The following VMP1 variants were observed in gnomAD, a reference collection of about 807,000 sequenced individuals.
VMP1 encodes ectopic P-granules autophagy protein 3 homolog.
VMP1 carries 11 observed loss-of-function variants against 56.0 expected under a neutral mutation model. That is an observed-to-expected ratio of 0.20 (90% CI 0.12 to 0.32). The LOEUF is 0.32. VMP1 is among the 10% of genes least tolerant of loss of function. The pLI is 1.00. For missense variants in VMP1, 296 were observed against 490.3 expected, an observed-to-expected ratio of 0.60 and a Z score of 3.74; for synonymous variants, 149 against 165.0, an observed-to-expected ratio of 0.90 and a Z score of 0.74.
chr17:59,826,028 T>C (rs992962808), intron 10 of VMP1, among the ~76,000 whole-genome samples: 8 of 152,196 alleles, frequency 5.3e-5, no homozygotes, highest in Non-Finnish European at 1.2e-4. Flanking sequence ...TCAGAAAAAG[T>C]TATGGAAGTG....
chr17:59,727,555 G>A (rs1423557652), intron 1 of VMP1, among the ~76,000 whole-genome samples: 1 of 152,114 alleles, frequency 6.6e-6, no homozygotes, highest in Non-Finnish European at 1.5e-5. Context: ...TTACCAGACT[G>A]TGATCCTCTT....
intron 7 of VMP1, among the ~76,000 whole-genome samples, chr17:59,801,302 G>A (rs1449499051): frequency 2.0e-5 from 3 of 151,702 alleles, no homozygotes; most frequent in Non-Finnish European, 4.4e-5. Flanking sequence ...CTGGAGTGCA[G>A]GGGTGTGATC....
chr17:59,835,614 A>G (rs1294074169), intron 10 of VMP1, among the ~76,000 whole-genome samples: 1 of 149,834 alleles, frequency 6.7e-6, no homozygotes, highest in East Asian at 2.0e-4. Context: ...CCTCAGCCTC[A>G]CTAGTAGTGG....
At chr17:59,746,739 A>G (rs2035438218) in intron 5 of VMP1, among the ~76,000 whole-genome samples, 3 of 152,194 alleles carry the variant, frequency 2.0e-5, no homozygotes, top group Non-Finnish European at 2.9e-5. Flanking sequence ...CTAACCAGAA[A>G]GGAGGAGATG....
intron 7 of VMP1, among the ~76,000 whole-genome samples, chr17:59,782,680 C>T (rs1197630840): frequency 1.3e-5 from 2 of 152,032 alleles, no homozygotes; most frequent in Non-Finnish European, 1.5e-5. Context: ...GTAGCTAAAA[C>T]GGCAAATTAA....
intron 1 of VMP1, among the ~76,000 whole-genome samples, chr17:59,711,618 AG>A (rs1448283403): frequency 6.6e-6 from 1 of 152,212 alleles, no homozygotes; most frequent in Non-Finnish European, 1.5e-5. Flanking sequence ...AACTGAAGTT[AG>A]GTATTATGTA....
intron 6 of VMP1, 74 bp downstream of exon 6, chr17:59,765,212 G>C (rs2036189705): frequency 6.8e-7 from 1 of 1,469,444 alleles, no homozygotes; most frequent in South Asian, 1.4e-5. Flanking sequence ...TATTGAAATG[G>C]AATCTAAACA....
intron 10 of VMP1, among the ~76,000 whole-genome samples, chr17:59,819,331 C>T (rs186868492): frequency 5.3e-5 from 8 of 152,136 alleles, no homozygotes; most frequent in East Asian, 1.9e-4. Flanking sequence ...TTTGTAGAGA[C>T]GGGGTCTCGC....
rs549193629 is a variant in VMP1, at chr17:59,721,675, A to G, written c.-26-9746A>G. 2.0e-5 allele frequency among the ~76,000 whole-genome samples: 3 copies of G among 152,244 alleles called. No individual in the cohort carries two copies. In the East Asian group the frequency reaches 5.8e-4, roughly 29 times the overall value. On this transcript the variant is annotated intron_variant, in intron 1 of 11. Transcript: ENST00000262291. ...GAGACAGGAGGAGCACTTGGTACCCAGAAGATCACTCTGGGTAACATAGTG... is the reference window on the plus strand; with the variant it reads ...GAGACAGGAGGAGCACTTGGTACCCGGAAGATCACTCTGGGTAACATAGTG...
chr17:59,734,743 T>A (rs2034954329), intron 2 of VMP1, among the ~76,000 whole-genome samples: 1 of 152,018 alleles, frequency 6.6e-6, no homozygotes, highest in Admixed American at 6.6e-5. Context: ...CTTAAAAAAA[T>A]AAAAATAAAT....
intron 7 of VMP1, among the ~76,000 whole-genome samples, chr17:59,789,786 C>G (rs1260578937): frequency 6.9e-6 from 1 of 145,806 alleles, no homozygotes; most frequent in African/African-American, 2.5e-5. Flanking sequence ...ATCTGCAGTT[C>G]TTTCTCTTTC....
chr17:59,815,855 CA>C (rs71145576), intron 9 of VMP1, among the ~76,000 whole-genome samples: 73 of 106,394 alleles, frequency 6.9e-4, no homozygotes, highest in African/African-American at 2.7e-3. Context: ...GACTCCGTCT[CA>C]AAAAAAAAAA....
intron 5 of VMP1, among the ~76,000 whole-genome samples, chr17:59,746,257 G>A (rs2035420130): frequency 6.6e-6 from 1 of 152,092 alleles, no homozygotes. Context: ...TGCAACCACC[G>A]CCTCCCGGGT....
chr17:59,774,774 T>C (rs1160834250), intron 7 of VMP1, among the ~76,000 whole-genome samples: 1 of 151,964 alleles, frequency 6.6e-6, no homozygotes, highest in African/African-American at 2.4e-5. Flanking sequence ...CTTCAAACTC[T>C]TATATAAACA....
intron 9 of VMP1, among the ~76,000 whole-genome samples, chr17:59,816,067 G>C (rs943838491): frequency 3.3e-5 from 5 of 152,188 alleles, no homozygotes; most frequent in African/African-American, 7.2e-5. Flanking sequence ...TTCCCACTCA[G>C]ACCTCCTGCC....
rs189724489 is a variant in VMP1, at chr17:59,715,595, C to T, written c.-27+7847C>T. The stretch of plus-strand genomic sequence containing the variant: ...TTTAGGTGGGGACACAGAGCCAAAC[C>T]GTTTCAGGGGAAATTGACATAGTAA... On this transcript the variant is annotated intron_variant, in intron 1 of 11. Coordinates refer to ENST00000262291, the MANE Select transcript of VMP1 (RefSeq NM_030938.5). 3.1e-4 allele frequency among the ~76,000 whole-genome samples: 47 copies of T among 152,242 alleles called. 1 individual carries two copies. The highest frequency in any genetic ancestry group is 2.0e-3 in the Admixed American group (31 of 15,294).
chr17:59,815,189 C>T (rs1440976065), intron 9 of VMP1, among the ~76,000 whole-genome samples: 3 of 152,168 alleles, frequency 2.0e-5, no homozygotes, highest in Non-Finnish European at 2.9e-5. Context: ...TCCCCTTCCA[C>T]TGCACAGAGT....
At chr17:59,767,851 C>A (rs2144003860) in intron 6 of VMP1, among the ~76,000 whole-genome samples, 1 of 152,216 alleles carries the variant, frequency 6.6e-6, no homozygotes, top group East Asian at 1.9e-4. Flanking sequence ...TAGGGCTGGG[C>A]ATGGTGGCTC....
At chr17:59,830,784 A>G (rs2038782484) in intron 10 of VMP1, among the ~76,000 whole-genome samples, 1 of 152,238 alleles carries the variant, frequency 6.6e-6, no homozygotes, top group Non-Finnish European at 1.5e-5. Context: ...GACTTTAAGT[A>G]TACACTCTGT....
Sources: gnomAD v4.1 joint callset for allele counts (sites outside exome capture counted in the v4.1 genomes callset) on GRCh38, gnomAD v4.1.1 for gene constraint, MANE v1.5 for transcripts, NCBI Gene and HGNC (gene_info 2026-07-23, HGNC 2026-07-21) for gene names.